Variants in ANGPTL2 observed in about 807,000 individuals in gnomAD.
ANGPTL2 encodes angiopoietin-related protein 2.
Under a neutral mutation model 52.8 loss-of-function variants are expected in ANGPTL2, and 25 were observed. The ratio of observed to expected loss-of-function variants is 0.47; its 90% CI spans 0.35 to 0.66. The LOEUF (loss-of-function observed/expected upper bound fraction) is 0.66. Ranked by LOEUF, ANGPTL2 falls within the 30% of genes least tolerant of loss-of-function variation. The probability of loss-of-function intolerance (pLI) is 0.01; values close to 1 mark genes in which losing one functional copy is unlikely to be tolerated. For missense variants in ANGPTL2, 546 were observed against 656.9 expected, an observed-to-expected ratio of 0.83 and a Z score of 1.84; for synonymous variants, 276 against 277.4, an observed-to-expected ratio of 1.00 and a Z score of 0.05.
chr9:127,122,430 C>G lies in ANGPTL2; in HGVS notation c.-165G>C, dbSNP rs2056213164. On this transcript the variant is annotated 5_prime_UTR_variant, in exon 1 of 5. Coordinates refer to ENST00000373425, the MANE Select transcript of ANGPTL2 (RefSeq NM_012098.3). This position sits in a 1 kb window ranked among gnomAD's most constrained non-coding sequence, Gnocchi z 6.4. ...TCCTGAGTTGCAGGCCGGTGGCTGC[C>G]AAGCAGCCCTGCCTCACTGGGCTCC... The G allele has an allele frequency of 6.6e-6, 1 of 152,484 alleles. No individual in the cohort carries two copies. Among genetic ancestry groups the G allele is most frequent in the Non-Finnish European group, 1.5e-5 (1 of 68,280 alleles). 9.4% of individuals were successfully genotyped at this position (152,484 alleles called of 1,614,324 possible).
chr9:127,119,398 ACAGT>A (rs918113735), intron 1 of ANGPTL2, among the ~76,000 whole-genome samples: 2 of 152,204 alleles, frequency 1.3e-5, no homozygotes, highest in Non-Finnish European at 2.9e-5. Flanking sequence ...GGACCCAGTG[ACAGT>A]CAGGATAAGA....
intron 1 of ANGPTL2, among the ~76,000 whole-genome samples, chr9:127,112,599 G>A (rs1478913148): frequency 1.3e-5 from 2 of 152,226 alleles, no homozygotes; most frequent in Non-Finnish European, 1.5e-5. Flanking sequence ...ACAGCTCCCC[G>A]ACAGAGTTCT....
At chr9:127,112,520 TC>T (rs146272085) in intron 1 of ANGPTL2, among the ~76,000 whole-genome samples, 3,740 of 152,360 alleles carry the variant, frequency 0.025, 55 homozygotes, top group Middle Eastern at 0.048. Context: ...TTCCAAGCCT[TC>T]CTGGACCTCC....
intron 1 of ANGPTL2, among the ~76,000 whole-genome samples, chr9:127,121,326 G>A (rs182848133): frequency 2.0e-5 from 3 of 152,354 alleles, no homozygotes; most frequent in East Asian, 1.9e-4. Context: ...AGGTAGAAGA[G>A]CTGGGATTTG....
At chr9:127,114,748 T>C (rs2055219342) in intron 1 of ANGPTL2, among the ~76,000 whole-genome samples, 1 of 152,228 alleles carries the variant, frequency 6.6e-6, no homozygotes, top group Non-Finnish European at 1.5e-5. Context: ...AGCGGGCCTC[T>C]GCCAAGGCAG....
chr9:127,117,811 G>A (rs1286397880), intron 1 of ANGPTL2, among the ~76,000 whole-genome samples: 1 of 152,226 alleles, frequency 6.6e-6, no homozygotes, highest in Non-Finnish European at 1.5e-5. Flanking sequence ...AGGTTGGAGT[G>A]GGACCACCTC....
At chr9:127,112,910 C>G (rs1006108141) in intron 1 of ANGPTL2, among the ~76,000 whole-genome samples, 6 of 152,206 alleles carry the variant, frequency 3.9e-5, no homozygotes, top group African/African-American at 7.2e-5. Context: ...CATTCCAACA[C>G]TCAGAGTGAC....
intron 2 of ANGPTL2, among the ~76,000 whole-genome samples, chr9:127,097,076 TCCTTAGAA>T (rs2053214416): frequency 1.3e-5 from 2 of 152,218 alleles, no homozygotes; most frequent in Admixed American, 6.5e-5. Flanking sequence ...TAGCTCTGTG[TCCTTAGAA>T]CTAATGTTAA....
chr9:127,113,133 T>G (rs2055019512), intron 1 of ANGPTL2, among the ~76,000 whole-genome samples: 1 of 152,226 alleles, frequency 6.6e-6, no homozygotes, highest in African/African-American at 2.4e-5. Flanking sequence ...CAGGGCACTG[T>G]GCTGGGCGCC....
Position 127,091,817 on chromosome 9 carries a change from C to G in ANGPTL2, c.1135G>C (p.Ala379Pro). The G allele has an allele frequency of 6.2e-7, 1 of 1,614,188 alleles. No homozygotes were observed. Among genetic ancestry groups the G allele is most frequent in the Non-Finnish European group, 8.5e-7 (1 of 1,180,028 alleles). Reference protein sequence around the residue: ...MEDWSGRKVFAEYASFRLEPE... With the variant: ...MEDWSGRKVFPEYASFRLEPE... ...TCCAGGCGGAAACTGGCGTATTCTG[C>G]AAAGACTTTGCGGCCGGACCAGTCC... The change falls in exon 4 of 5, where the codon GCA (alanine) becomes CCA (proline). Residue 379 changes from alanine to proline, a missense_variant. Physicochemically the swap from Ala to Pro is conservative, Grantham distance 27. Transcript: ENST00000373425. The surrounding 1 kb of genome is among the most constrained non-coding windows in gnomAD (Gnocchi z 4.3).
intron 1 of ANGPTL2, among the ~76,000 whole-genome samples, chr9:127,112,436 G>A (rs896581968): frequency 6.6e-6 from 1 of 152,238 alleles, no homozygotes; most frequent in Admixed American, 6.5e-5. Flanking sequence ...GTGCCCATGT[G>A]GGCGCAGGGC....
At chr9:127,093,683 G>C in intron 3 of ANGPTL2, 50 bp downstream of exon 3, 1 of 1,600,902 alleles carries the variant, frequency 6.2e-7, no homozygotes, top group Non-Finnish European at 8.5e-7. Flanking sequence ...CTCTCTTGGG[G>C]TGGGCCAGTC....
At chr9:127,112,855 C>G (rs901698830) in intron 1 of ANGPTL2, among the ~76,000 whole-genome samples, 2 of 152,238 alleles carry the variant, frequency 1.3e-5, no homozygotes, top group African/African-American at 4.8e-5. Context: ...TTGCACAGGG[C>G]TTTAGGGCTT....
At chr9:127,114,949 G>A (rs956564393) in intron 1 of ANGPTL2, among the ~76,000 whole-genome samples, 1 of 152,184 alleles carries the variant, frequency 6.6e-6, no homozygotes, top group African/African-American at 2.4e-5. Context: ...TGAAATGTAT[G>A]GTGTGCTGGT....
intron 2 of ANGPTL2, among the ~76,000 whole-genome samples, chr9:127,097,444 A>G (rs533732654): frequency 5.1e-4 from 78 of 152,356 alleles, no homozygotes; most frequent in African/African-American, 1.7e-3. Context: ...CAAAAACACA[A>G]ATTCAAACAC....
At chr9:127,093,605 G>A (rs2052747460) in intron 3 of ANGPTL2, 128 bp downstream of exon 3, 3 of 1,153,930 alleles carry the variant, frequency 2.6e-6, no homozygotes, top group Non-Finnish European at 3.7e-6. Flanking sequence ...ATGTGTTGTT[G>A]GGGCCGCACA....
At chr9:127,090,870 G>T (rs1020065953) in intron 4 of ANGPTL2, among the ~76,000 whole-genome samples, 5 of 152,152 alleles carry the variant, frequency 3.3e-5, no homozygotes, top group African/African-American at 1.2e-4. Flanking sequence ...TAACTGTGTG[G>T]GAGGCTGATA....
rs2051893096 is a variant in ANGPTL2 at position 127,087,448 on chromosome 9, C to T, written c.*1491G>A. The T allele has an allele frequency of 1.3e-5, 2 of 152,610 alleles. No homozygotes were observed. The highest frequency in any genetic ancestry group is 2.4e-5 in the African/African-American group (1 of 41,426). The allele number at this position is 152,610 out of a possible 1,614,324, so 9.5% of individuals were successfully genotyped here. ...CCTTTTATATACACAAAACATGCTA[C>T]ATGGTACACTTTGTGAGAAATGCTG... On this transcript the variant is annotated 3_prime_UTR_variant, in exon 5 of 5. Coordinates refer to ENST00000373425, the MANE Select transcript of ANGPTL2 (RefSeq NM_012098.3).
Position 127,087,590 on chromosome 9 carries a change from T to G in ANGPTL2, c.*1349A>C, listed in dbSNP as rs1185783943. ...TTCTTGACTCATCCCTTGCCCCTTC[T>G]TGGCAATAGTCCCGGGAGTGCTGAG... is the stretch of plus-strand genomic sequence containing the variant. On this transcript the variant is annotated 3_prime_UTR_variant, in exon 5 of 5. Transcript: ENST00000373425. 2 of 152,472 alleles carry G rather than the reference T, an allele frequency of 1.3e-5. No individual in the cohort carries two copies. The highest frequency in any genetic ancestry group is 2.4e-5 in the African/African-American group (1 of 41,424). 9.4% of individuals were successfully genotyped at this position (152,472 alleles called of 1,614,324 possible).
Sources: gnomAD v4.1 joint callset for allele counts (sites outside exome capture counted in the v4.1 genomes callset) on GRCh38, gnomAD v4.1.1 for gene constraint, Gnocchi (gnomAD v3.1) non-coding constraint, MANE v1.5 for transcripts, NCBI Gene and HGNC (gene_info 2026-07-23, HGNC 2026-07-21) for gene names.